Variants in POLDIP3 observed in about 807,000 individuals in gnomAD.
The protein encoded by POLDIP3 is DNA polymerase delta interacting protein 3.
POLDIP3 carries 14 observed loss-of-function variants against 45.1 expected under a neutral mutation model. The ratio of observed to expected loss-of-function variants is 0.31; its 90% CI spans 0.20 to 0.49. The LOEUF (loss-of-function observed/expected upper bound fraction) is 0.49. Among genes scored for constraint, POLDIP3 ranks in the 20% least tolerant of loss-of-function variants. POLDIP3 has a pLI of 0.99. For synonymous variants in POLDIP3, 223 were observed against 205.2 expected, an observed-to-expected ratio of 1.09 and a Z score of -0.74; for missense variants, 511 against 538.8, an observed-to-expected ratio of 0.95 and a Z score of 0.51.
rs1339457617 is a variant in POLDIP3, at chr22:42,584,797, G to A, written c.*994C>T. 9.5e-6 allele frequency: 4 copies of A among 419,258 alleles called. No homozygotes were observed. Among genetic ancestry groups the A allele is most frequent in the African/African-American group, 6.2e-5 (3 of 48,480 alleles). The allele number at this position is 419,258 out of a possible 1,614,324, so 26.0% of individuals were successfully genotyped here. A position where few individuals can be genotyped will look rare whatever the true frequency, so the allele number is the denominator to read the frequency against. The stretch of plus-strand genomic sequence containing the variant: ...AAACAGTGCCCCTTGGTGGCAGCTG[G>A]ATATATGCCTCCAGGCATCCCTGAC... On this transcript the variant is annotated 3_prime_UTR_variant, in exon 9 of 9. Coordinates refer to ENST00000252115, the MANE Select transcript of POLDIP3 (RefSeq NM_032311.5).
At chr22:42,593,675 C>T (rs781344994) in intron 6 of POLDIP3, among the ~76,000 whole-genome samples, 9 of 152,270 alleles carry the variant, frequency 5.9e-5, no homozygotes, top group African/African-American at 1.7e-4. Context: ...CGTGCCACCA[C>T]GCCTGGCGAA....
intron 8 of POLDIP3, among the ~76,000 whole-genome samples, 194 bp from the exon 9 acceptor site, chr22:42,586,162 TCTC>T (rs947188790): frequency 6.6e-5 from 10 of 152,050 alleles, no homozygotes; most frequent in South Asian, 2.1e-4. Flanking sequence ...CTCAAGCAGT[TCTC>T]CTGCCACAGC....
At chr22:42,599,599 T>G in intron 4 of POLDIP3, 99 bp downstream of exon 4, 1 of 880,334 alleles carries the variant, frequency 1.1e-6, no homozygotes. Flanking sequence ...AAGAGCGAGA[T>G]GTCGTCTCAA....
intron 7 of POLDIP3, among the ~76,000 whole-genome samples, chr22:42,590,978 G>A (rs1423378236): frequency 2.0e-5 from 3 of 152,056 alleles, no homozygotes; most frequent in African/African-American, 7.2e-5. Context: ...GGAGGCTGAG[G>A]CAGGAAAGCC....
chr22:42,614,498 G>C (rs1166476836), intron 1 of POLDIP3, among the ~76,000 whole-genome samples: 2 of 152,204 alleles, frequency 1.3e-5, no homozygotes, highest in African/African-American at 4.8e-5. Flanking sequence ...GCGCCGCCGA[G>C]ACCCCAGGAC....
At chr22:42,607,758 C>G (rs145576157) in intron 1 of POLDIP3, among the ~76,000 whole-genome samples, 1,768 of 151,092 alleles carry the variant, frequency 0.012, 30 homozygotes, top group African/African-American at 0.041. Flanking sequence ...TGCCCGGCCG[C>G]GACCCCATCT....
rs1925184326 is a variant in POLDIP3, at chr22:42,584,715, G to A, written c.*1076C>T. 1 of 359,968 alleles carries A rather than the reference G, an allele frequency of 2.8e-6. No homozygotes were observed. The highest frequency in any genetic ancestry group is 5.5e-6 in the Non-Finnish European group (1 of 183,444). 22.3% of individuals were successfully genotyped at this position (359,968 alleles called of 1,614,324 possible). On this transcript the variant is annotated 3_prime_UTR_variant, in exon 9 of 9. Transcript: ENST00000252115. ...CCCTTGACTCCTCCTCCTCTGCCAA[G>A]GCAGGAAAATAATCCTCTGGTCATG...
chr22:42,591,376 T>C (rs1925661310), intron 7 of POLDIP3, among the ~76,000 whole-genome samples: 1 of 152,178 alleles, frequency 6.6e-6, no homozygotes, highest in Non-Finnish European at 1.5e-5. Context: ...ATTTTTTTTA[T>C]TGTTGTATTG....
In POLDIP3 at chr22:42,596,099, C is replaced by T. The variant is rs575344950; in HGVS notation, c.813+87G>A. ...AATGGGGGTGGCAATGCCCACCTCACAAAGGCGTTGTGGGGAACACAATGA... is the reference window on the plus strand; with the variant it reads ...AATGGGGGTGGCAATGCCCACCTCATAAAGGCGTTGTGGGGAACACAATGA... On this transcript the variant is annotated intron_variant, in intron 5 of 8. Transcript: ENST00000252115. 7.6e-6 allele frequency: 11 copies of T among 1,449,454 alleles called. No individual in the cohort carries two copies. The African/African-American group carries it at 1.4e-4, about 19-fold the overall frequency. 89.8% of individuals were successfully genotyped at this position (1,449,454 alleles called of 1,614,324 possible). A position where few individuals can be genotyped will look rare whatever the true frequency, so the allele number is the denominator to read the frequency against.
intron 1 of POLDIP3, among the ~76,000 whole-genome samples, chr22:42,604,957 A>T (rs1316268761): frequency 6.6e-6 from 1 of 152,204 alleles, no homozygotes; most frequent in Non-Finnish European, 1.5e-5. Flanking sequence ...AGTGCCCTTT[A>T]TAAGGAAGAA....
Position 42,585,209 on chromosome 22 carries a change from C to T in POLDIP3, c.*582G>A. The T allele has an allele frequency of 2.0e-6, 1 of 511,070 alleles. No homozygotes were observed. The highest frequency in any genetic ancestry group is 3.9e-6 in the Non-Finnish European group (1 of 256,604). 31.7% of individuals were successfully genotyped at this position (511,070 alleles called of 1,614,324 possible). On this transcript the variant is annotated 3_prime_UTR_variant, in exon 9 of 9. Transcript: ENST00000252115. ...GTGCAGCCTCATCCTGCCCTTGCCA[C>T]TAGTGAGGCCTGGAGCCACTGGGGA... is the stretch of plus-strand genomic sequence containing the variant.
intron 2 of POLDIP3, 134 bp from the exon 3 acceptor site, chr22:42,602,190 T>A: frequency 7.3e-7 from 1 of 1,365,112 alleles, no homozygotes; most frequent in Non-Finnish European, 1.0e-6. Flanking sequence ...GAGGGCCTTA[T>A]CCTCCACAGT....
At chr22:42,610,324 C>T (rs1927043476) in intron 1 of POLDIP3, among the ~76,000 whole-genome samples, 2 of 152,106 alleles carry the variant, frequency 1.3e-5, no homozygotes, top group South Asian at 4.1e-4. Flanking sequence ...TATCTTATTT[C>T]AACAAGGAAA....
At position 42,585,292 on chromosome 22, in the gene POLDIP3, G is replaced by A. The variant is rs1419423127; in HGVS notation, c.*499C>T. ...CAGGCACCTCCACTGACAAGACAGA[G>A]GAGCGGCACAGCTCTCAGGCCGACC... On this transcript the variant is annotated 3_prime_UTR_variant, in exon 9 of 9. Transcript: ENST00000252115. 3 of 513,006 alleles carry A rather than the reference G, an allele frequency of 5.8e-6. No homozygotes were observed. Among genetic ancestry groups the A allele is most frequent in the Non-Finnish European group, 1.2e-5 (3 of 257,442 alleles). 31.8% of individuals were successfully genotyped at this position (513,006 alleles called of 1,614,324 possible).
chr22:42,590,751 A>T (rs1367086557), intron 7 of POLDIP3, among the ~76,000 whole-genome samples: 1 of 152,246 alleles, frequency 6.6e-6, no homozygotes, highest in Non-Finnish European at 1.5e-5. Flanking sequence ...GTATTTAAAA[A>T]GCAGACAAAG....
intron 3 of POLDIP3, among the ~76,000 whole-genome samples, chr22:42,601,561 G>A (rs1403791062): frequency 6.6e-6 from 1 of 151,968 alleles, no homozygotes; most frequent in African/African-American, 2.4e-5. Context: ...AAGAAATTGA[G>A]ACCATCCTAG....
At chr22:42,595,664 T>G (rs1287749398) in intron 5 of POLDIP3, 50 bp from the exon 6 acceptor site, 5 of 1,542,792 alleles carry the variant, frequency 3.2e-6, no homozygotes, top group Non-Finnish European at 4.5e-6. Flanking sequence ...TGATAAGCAT[T>G]CCCACAACAG....
At chr22:42,602,278 A>T (rs1926440677) in intron 2 of POLDIP3, among the ~76,000 whole-genome samples, 1 of 152,228 alleles carries the variant, frequency 6.6e-6, no homozygotes, top group Non-Finnish European at 1.5e-5. Context: ...TTGGCTCAGT[A>T]AATGTTTGCT....
chr22:42,597,331 C>T (rs1926055030), intron 4 of POLDIP3, among the ~76,000 whole-genome samples: 2 of 152,208 alleles, frequency 1.3e-5, no homozygotes. Context: ...CACATCAGAG[C>T]ATGGGCACGG....
Sources: allele counts gnomAD v4.1 joint callset (sites outside exome capture counted in the v4.1 genomes callset), GRCh38; gene constraint gnomAD v4.1.1; transcripts MANE v1.5; gene names NCBI Gene and HGNC (gene_info 2026-07-23, HGNC 2026-07-21).